Variants in RGS3 observed in about 807,000 individuals in gnomAD.
RGS3 encodes the protein regulator of G-protein signalling 3.
RGS3 carries 80 observed loss-of-function variants against 132.6 expected under a neutral mutation model. That is an observed-to-expected ratio of 0.60 (90% CI 0.50 to 0.73). RGS3 has a LOEUF of 0.73. Ranked by LOEUF, RGS3 falls within the 30% of genes least tolerant of loss-of-function variation. RGS3 has a pLI of 0.00. For missense variants in RGS3, 1,382 were observed against 1,530.8 expected (o/e 0.90, Z 1.62); for synonymous variants, 598 against 620.6 (o/e 0.96, Z 0.54).
chr9:113,510,064 C>T (rs763328125), intron 14 of RGS3, among the ~76,000 whole-genome samples: 1 of 152,078 alleles, frequency 6.6e-6, no homozygotes, highest in African/African-American at 2.4e-5. Flanking sequence ...GCACCCCATT[C>T]GTAGTCTTTT....
chr9:113,536,389 G>A (rs1458074456), intron 18 of RGS3: 2 of 659,982 alleles, frequency 3.0e-6, no homozygotes, highest in Non-Finnish European at 3.8e-6. Flanking sequence ...TGAGCCAGGG[G>A]AGGTGGGGAG....
chr9:113,483,217 G>A, intron 5 of RGS3, 100 bp downstream of exon 3: 2 of 806,214 alleles, frequency 2.5e-6, no homozygotes, highest in Non-Finnish European at 4.1e-6. Context: ...GGTGACCTTT[G>A]AGGAGGCAGT....
Position 113,507,440 on chromosome 9 carries a change from G to A in RGS3, c.1239G>A (p.Gly413=). ...AACGGGAGAAGAACTGCACCCATGG[G>A]GTCCAGGCACGGCCTGAGCAGCGCC... Residue 413 remains glycine (G), a synonymous_variant, in exon 13 of 25, where the codon GGG becomes GGA. Transcript: ENST00000350696. The surrounding 1 kb of genome is among the most constrained non-coding windows in gnomAD (Gnocchi z 5.0). 6.2e-7 allele frequency: 1 copy of A among 1,613,920 alleles called. No individual in the cohort carries two copies. The highest frequency in any genetic ancestry group is 8.5e-7 in the Non-Finnish European group (1 of 1,180,044).
At position 113,497,632 on chromosome 9, in the gene RGS3, T is replaced by G. The variant is rs7023224; in HGVS notation, c.841+228T>G. Reference sequence around the variant, plus strand: ...TGGACTTTTACTGTAGAGGCTATGGTCTGACCCCATGTGGTTTAGCTCCCT... The same window carrying G: ...TGGACTTTTACTGTAGAGGCTATGGGCTGACCCCATGTGGTTTAGCTCCCT... On this transcript the variant is annotated intron_variant, in intron 9 of 24. Transcript: ENST00000350696. Among the ~76,000 whole-genome samples, 1,337 of 152,262 alleles carry G rather than the reference T, an allele frequency of 8.8e-3. 18 individuals carry two copies. Among genetic ancestry groups the G allele is most frequent in the African/African-American group, 0.031 (1,274 of 41,518 alleles).
At chr9:113,532,126 C>T (rs146625317) in intron 18 of RGS3, among the ~76,000 whole-genome samples, 2,351 of 152,202 alleles carry the variant, frequency 0.015, 37 homozygotes, top group Non-Finnish European at 0.026. Context: ...CAGGAGGCAC[C>T]GTCTGAGTGA....
At chr9:113,571,277 T>C (rs887672127) in intron 19 of RGS3, among the ~76,000 whole-genome samples, 1 of 152,260 alleles carries the variant, frequency 6.6e-6, no homozygotes, top group Non-Finnish European at 1.5e-5. Context: ...AGTTTTGCAA[T>C]TGCTGAGTCA....
rs1655472728 is a variant in RGS3 at position 113,579,616 on chromosome 9, C to T, written c.2038-3834C>T. The stretch of plus-strand genomic sequence containing the variant: ...GGGCGCCCTGGCTGGATTCTTGTTA[C>T]TTCAGCTGTTGCAACAGCTGTCTCA... On this transcript the variant is annotated intron_variant, in intron 19 of 24. Coordinates refer to ENST00000350696, the Ensembl canonical transcript of RGS3. This position sits in a 1 kb window ranked among gnomAD's most constrained non-coding sequence, Gnocchi z 4.3. Among the ~76,000 whole-genome samples the T allele has an allele frequency of 6.6e-6, 1 of 152,206 alleles. No individual in the cohort carries two copies. Among genetic ancestry groups the T allele is most frequent in the Non-Finnish European group, 1.5e-5 (1 of 68,040 alleles).
chr9:113,594,059 C>A, intron 21 of RGS3: 1 of 1,612,898 alleles, frequency 6.2e-7, no homozygotes, highest in South Asian at 1.1e-5. Flanking sequence ...TTTCCGCTCC[C>A]CCTCCTGGTC....
At chr9:113,553,775 G>A (rs905175002) in intron 19 of RGS3, among the ~76,000 whole-genome samples, 4 of 151,438 alleles carry the variant, frequency 2.6e-5, no homozygotes, top group African/African-American at 4.9e-5. Context: ...CCCTGGAGAC[G>A]GAGGTTGCAA....
intron 19 of RGS3, among the ~76,000 whole-genome samples, chr9:113,567,618 A>G (rs941996908): frequency 1.3e-5 from 2 of 152,208 alleles, no homozygotes; most frequent in African/African-American, 4.8e-5. Flanking sequence ...TGGGTTTGAT[A>G]GGAGGTGAGG....
At chr9:113,594,003 G>A (rs760354911) in intron 21 of RGS3, 1 of 1,613,026 alleles carries the variant, frequency 6.2e-7, no homozygotes, top group Non-Finnish European at 8.5e-7. Context: ...GCAGACACAT[G>A]CCCCTTTCAC....
chr9:113,586,525 G>T lies in RGS3; in HGVS notation c.3015+2098G>T, dbSNP rs375957681. 1.5e-4 allele frequency among the ~76,000 whole-genome samples: 23 copies of T among 152,300 alleles called. No individual in the cohort carries two copies. The East Asian group carries it at 3.9e-3, about 26-fold the overall frequency. The stretch of plus-strand genomic sequence containing the variant: ...AAGGTTCCCACTGGCACCCTCCCCT[G>T]TCCCACCAACTTTTAGCCGGTCACT... On this transcript the variant is annotated intron_variant, in intron 20 of 24. Transcript: ENST00000350696.
Position 113,498,006 on chromosome 9 carries a change from C to T in RGS3, c.842-19C>T, listed in dbSNP as rs374858953. On this transcript the variant is annotated intron_variant, in intron 9 of 24. Transcript: ENST00000350696. ...CTCTGCCACCAGAAGTTTTCTGATT[C>T]TGCTCTGTCACCTTCCAGACCCGCT... 86 of 1,613,708 alleles carry T rather than the reference C, an allele frequency of 5.3e-5. No individual in the cohort carries two copies. Among genetic ancestry groups the T allele is most frequent in the Non-Finnish European group, 7.0e-5 (82 of 1,179,766 alleles).
chr9:113,452,995 T>G lies in RGS3; in HGVS notation c.-12-7250T>G, dbSNP rs1284101386. ...ATATTTATACATAATATATAATATA[T>G]AAATATAAATATATATTATATTTTA... On this transcript the variant is annotated intron_variant, in intron 1 of 25. Coordinates refer to the RGS3 transcript ENST00000374140. Among the ~76,000 whole-genome samples, 2 of 130,174 alleles carry G rather than the reference T, an allele frequency of 1.5e-5. 1 individual carries two copies. The highest frequency in any genetic ancestry group is 3.1e-5 in the Non-Finnish European group (2 of 63,592). The allele number at this position is 130,174 out of a possible 152,430, so 85.4% of individuals were successfully genotyped here.
intron 5 of RGS3, 21 bp downstream of exon 3, chr9:113,483,138 T>A: frequency 6.5e-7 from 1 of 1,550,020 alleles, no homozygotes; most frequent in Non-Finnish European, 8.9e-7. Flanking sequence ...GGGCCGGAGA[T>A]GGAGAGTGGG....
intron 15 of RGS3, among the ~76,000 whole-genome samples, chr9:113,516,610 C>T (rs775133297): frequency 2.0e-5 from 3 of 152,100 alleles, no homozygotes; most frequent in Admixed American, 1.3e-4. Flanking sequence ...CCACCCGCCT[C>T]GGCCTTCCAA....
chr9:113,507,327 G>A lies in RGS3; in HGVS notation c.1126G>A (p.Val376Ile). ...GATCATCCTACTCGTGTGGCGCATG[G>A]TCCCCCAGGTCAAGCCAGGACCAGA... The change falls in exon 13 of 25, where the codon GTC becomes ATC. Residue 376 changes from valine (V) to isoleucine (I), a missense_variant. Transcript: ENST00000350696. The surrounding 1 kb of genome is among the most constrained non-coding windows in gnomAD (Gnocchi z 5.0). 6.2e-7 allele frequency: 1 copy of A among 1,613,828 alleles called. No individual in the cohort carries two copies. The highest frequency in any genetic ancestry group is 8.5e-7 in the Non-Finnish European group (1 of 1,179,984).
intron 3 of RGS3, among the ~76,000 whole-genome samples, chr9:113,469,042 ATTTTTTTTTTTT>A (rs145400431): frequency 2.1e-4 from 21 of 102,130 alleles, no homozygotes; most frequent in African/African-American, 7.2e-4. Flanking sequence ...TTTGCTCAGC[ATTTTTTTTTTTT>A]TTTTTTTTTT....
rs571618461 is a variant in RGS3, at chr9:113,476,244, A to AAG, written c.416-3245_416-3244dup. 2.2e-4 allele frequency among the ~76,000 whole-genome samples: 33 copies of AAG among 152,304 alleles called. No homozygotes were observed. In the East Asian group the frequency reaches 6.2e-3, roughly 28 times the overall value. On this transcript the variant is annotated intron_variant, in intron 3 of 24. Transcript: ENST00000350696. ...TGCTAGAGGGCTGTGGGTGTTCCAG[A>AAG]AGACTGTGCACAGGAAAGAGTGCTG...
Sources: gnomAD v4.1 joint callset for allele counts (sites outside exome capture counted in the v4.1 genomes callset) on GRCh38, gnomAD v4.1.1 for gene constraint, Gnocchi (gnomAD v3.1) non-coding constraint, MANE v1.5 for transcripts, NCBI Gene and HGNC (gene_info 2026-07-23, HGNC 2026-07-21) for gene names.